Variants in PCGF6 observed in about 807,000 individuals in gnomAD.
PCGF6 encodes the protein polycomb group RING finger protein 6.
In PCGF6, 24 loss-of-function variants were observed where a neutral mutation model predicts 45.5. That is an observed-to-expected ratio of 0.53 (90% CI 0.38 to 0.74). The LOEUF (loss-of-function observed/expected upper bound fraction) is 0.74, where lower values mean the gene tolerates loss of function less well. Among genes scored for constraint, PCGF6 ranks in the 30% least tolerant of loss-of-function variants. PCGF6 has a pLI of 0.00. For missense variants in PCGF6, 356 were observed against 443.2 expected, an observed-to-expected ratio of 0.80 and a Z score of 1.77; for synonymous variants, 152 against 162.1, an observed-to-expected ratio of 0.94 and a Z score of 0.47.
At chr10:103,343,290 A>G (rs2093287644) in intron 6 of PCGF6, among the ~76,000 whole-genome samples, 2 of 151,812 alleles carry the variant, frequency 1.3e-5, no homozygotes, top group Non-Finnish European at 2.9e-5. Flanking sequence ...AATACAATAA[A>G]GCACACACTA....
chr10:103,310,263 TAAA>T (rs1215071367), intron 9 of PCGF6, among the ~76,000 whole-genome samples: 1 of 139,142 alleles, frequency 7.2e-6, no homozygotes. Flanking sequence ...AACCATGTCT[TAAA>T]AAAAAAAAAA....
chr10:103,311,717 A>G (rs1382941232), intron 9 of PCGF6, among the ~76,000 whole-genome samples: 1 of 151,986 alleles, frequency 6.6e-6, no homozygotes, highest in African/African-American at 2.4e-5. Flanking sequence ...AATACAACAA[A>G]CCAATCACAT....
intron 9 of PCGF6, among the ~76,000 whole-genome samples, 182 bp downstream of exon 9, chr10:103,314,004 C>T (rs1564724161): frequency 6.6e-6 from 1 of 152,098 alleles, no homozygotes; most frequent in Non-Finnish European, 1.5e-5. Flanking sequence ...AGCTAATCTA[C>T]ATAAATTACT....
At chr10:103,350,267 C>CAAA (rs376674913) in intron 1 of PCGF6, among the ~76,000 whole-genome samples, 4 of 128,626 alleles carry the variant, frequency 3.1e-5, no homozygotes, top group South Asian at 2.4e-4. Context: ...CTCCTCGCTA[C>CAAA]AAAAAAAAAA....
In PCGF6 at chr10:103,348,727, A is replaced by C. The variant is rs775642285; in HGVS notation, c.546T>G (p.Leu182=). 2 of 1,573,368 alleles carry C rather than the reference A, an allele frequency of 1.3e-6. No homozygotes were observed. The highest frequency in any genetic ancestry group is 4.5e-5 in the East Asian group (2 of 44,654). ...CNIVVHQTQP[L]YNIRLDRQLQ... is the part of the protein sequence containing the mutation. Reference sequence around the variant, plus strand: ...TATATTCTTCTTACCTTATGTTATAAAGAGGTTGTGTCTGATGTACTACTA... The same window carrying C: ...TATATTCTTCTTACCTTATGTTATACAGAGGTTGTGTCTGATGTACTACTA... Residue 182 remains leucine (L), a synonymous_variant, in exon 3 of 10, where the codon CTT becomes CTG. Coordinates refer to ENST00000369847, the MANE Select transcript of PCGF6 (RefSeq NM_001011663.2).
At chr10:103,323,293 C>T (rs867549109) in intron 8 of PCGF6, among the ~76,000 whole-genome samples, 31 of 152,174 alleles carry the variant, frequency 2.0e-4, no homozygotes, top group Middle Eastern at 6.8e-3. Context: ...CACTAGCAAA[C>T]TTTCAGTCAC....
intron 8 of PCGF6, among the ~76,000 whole-genome samples, 185 bp from the exon 9 acceptor site, chr10:103,314,457 A>T (rs1405285467): frequency 6.6e-6 from 1 of 152,212 alleles, no homozygotes; most frequent in East Asian, 1.9e-4. Context: ...GTAACATGGG[A>T]AGAGCATTAG....
intron 9 of PCGF6, among the ~76,000 whole-genome samples, chr10:103,312,959 TCAAAAACAAAAA>T (rs144077726): frequency 5.2e-4 from 78 of 150,412 alleles, no homozygotes; most frequent in Middle Eastern, 3.5e-3. Flanking sequence ...AGACTCCGTC[TCAAAAACAAAAA>T]CAAAAACAAA....
chr10:103,320,818 T>C (rs7093667), intron 8 of PCGF6, among the ~76,000 whole-genome samples: 99,461 of 152,036 alleles, frequency 0.65, 32,693 homozygotes, highest in South Asian at 0.71. Context: ...TAAATAACCA[T>C]AAATGAAGGT....
chr10:103,337,351 G>A (rs1204115486), intron 6 of PCGF6, among the ~76,000 whole-genome samples: 3 of 152,080 alleles, frequency 2.0e-5, no homozygotes, highest in African/African-American at 4.8e-5. Context: ...ATTTTTGAAC[G>A]GCCCTGCATT....
Position 103,303,017 on chromosome 10 carries a change from G to A in PCGF6, c.*888C>T, listed in dbSNP as rs951297275. ...AACTGAAGTCTTTGCATGGAGGTGA[G>A]CTCAAACACCCTTATTCTTTATTGC... is the stretch of plus-strand genomic sequence containing the variant. On this transcript the variant is annotated 3_prime_UTR_variant, in exon 10 of 10. Coordinates refer to ENST00000369847, the MANE Select transcript of PCGF6 (RefSeq NM_001011663.2). 17 of 152,594 alleles carry A rather than the reference G, an allele frequency of 1.1e-4. No homozygotes were observed. Among genetic ancestry groups the A allele is most frequent in the African/African-American group, 3.1e-4 (13 of 41,430 alleles). 9.5% of individuals were successfully genotyped at this position (152,594 alleles called of 1,614,324 possible).
intron 7 of PCGF6, among the ~76,000 whole-genome samples, chr10:103,328,079 A>G (rs893803582): frequency 1.3e-5 from 2 of 152,116 alleles, no homozygotes; most frequent in African/African-American, 4.8e-5. Context: ...TAAGTAGATG[A>G]CAGAGTTTGA....
chr10:103,349,334 C>T (rs966624570), intron 1 of PCGF6, among the ~76,000 whole-genome samples: 1 of 152,064 alleles, frequency 6.6e-6, no homozygotes, highest in African/African-American at 2.4e-5. Flanking sequence ...AAGCATGAGC[C>T]ACCGCGCTCA....
At chr10:103,350,685 GT>G in intron 1 of PCGF6, 21 bp downstream of exon 1, 1 of 1,457,884 alleles carries the variant, frequency 6.9e-7, no homozygotes, top group Non-Finnish European at 9.1e-7. Context: ...GCCCAGCGGG[GT>G]CGCGCGGGGG....
rs2093125293 is a variant in PCGF6, at chr10:103,303,176, A to G, written c.*729T>C. The G allele has an allele frequency of 1.3e-5, 2 of 152,650 alleles. No individual in the cohort carries two copies. Among genetic ancestry groups the G allele is most frequent in the Admixed American group, 6.5e-5 (1 of 15,274 alleles). 9.5% of individuals were successfully genotyped at this position (152,650 alleles called of 1,614,324 possible). A position where few individuals can be genotyped will look rare whatever the true frequency, so the allele number is the denominator to read the frequency against. On this transcript the variant is annotated 3_prime_UTR_variant, in exon 10 of 10. Transcript: ENST00000369847. ...AGAAGCAATACTATTGCAAGGTATC[A>G]ACAACCACACTATGTACCCAAATAA...
intron 8 of PCGF6, among the ~76,000 whole-genome samples, chr10:103,316,031 G>C (rs1223759658): frequency 6.6e-6 from 1 of 151,376 alleles, no homozygotes; most frequent in Non-Finnish European, 1.5e-5. Context: ...GAGAGAGAGA[G>C]AGAGAGAGAG....
intron 5 of PCGF6, among the ~76,000 whole-genome samples, chr10:103,346,665 T>G (rs1232280448): frequency 6.6e-6 from 1 of 151,862 alleles, no homozygotes; most frequent in African/African-American, 2.4e-5. Context: ...TGTGGTGGCG[T>G]GTGCCTGTAA....
intron 7 of PCGF6, among the ~76,000 whole-genome samples, chr10:103,332,813 C>A (rs1443662145): frequency 6.6e-6 from 1 of 151,926 alleles, no homozygotes; most frequent in Non-Finnish European, 1.5e-5. Flanking sequence ...TCAACGCTAT[C>A]AAAAATCATG....
At chr10:103,348,130 G>C (rs1018929337) in intron 3 of PCGF6, among the ~76,000 whole-genome samples, 3 of 152,102 alleles carry the variant, frequency 2.0e-5, no homozygotes, top group Admixed American at 2.0e-4. Context: ...AACAGAATTT[G>C]GAATACCTAT....
Sources: gnomAD v4.1 joint callset for allele counts (sites outside exome capture counted in the v4.1 genomes callset) on GRCh38, gnomAD v4.1.1 for gene constraint, MANE v1.5 for transcripts, NCBI Gene and HGNC (gene_info 2026-07-23, HGNC 2026-07-21) for gene names.